The following RNF213 variants were observed in gnomAD, a reference collection of about 807,000 sequenced individuals.
The protein encoded by RNF213 is E3 ubiquitin-protein ligase RNF213.
Under a neutral mutation model 514.4 loss-of-function variants are expected in RNF213, and 341 were observed. That is an observed-to-expected ratio of 0.66 (90% CI 0.61 to 0.73). The LOEUF is 0.73. RNF213 is among the 30% of genes least tolerant of loss of function. The pLI, the probability that RNF213 is intolerant of heterozygous loss-of-function variation, is 0.00. For synonymous variants in RNF213, 2,655 were observed against 2,658.2 expected, an observed-to-expected ratio of 1.00 and a Z score of 0.04; for missense variants, 5,767 against 6,615.6, an observed-to-expected ratio of 0.87 and a Z score of 4.45.
chr17:80,355,543 A>G (rs79147399), intron 36 of RNF213, among the ~76,000 whole-genome samples: 1 of 49,004 alleles, frequency 2.0e-5, no homozygotes, highest in Non-Finnish European at 4.7e-5. Context: ...AGCGGGGTGG[A>G]CGGGAATGGG....
chr17:80,381,939 C>A, intron 57 of RNF213: 1 of 585,530 alleles, frequency 1.7e-6, no homozygotes, highest in Non-Finnish European at 3.1e-6. Context: ...TGCCCAGAGG[C>A]TGGAAGGAGC....
Position 80,340,106 on chromosome 17 carries a change from C to A in RNF213, c.5739C>A (p.His1913Gln). 2 of 1,611,956 alleles carry A rather than the reference C, an allele frequency of 1.2e-6. No homozygotes were observed. The highest frequency in any genetic ancestry group is 1.1e-5 in the South Asian group (1 of 90,790). ...EVARQAEELFHNLCTQQHRED... is the reference protein window; with the variant it reads ...EVARQAEELFQNLCTQQHRED... ...CACGCCAAGCGGAGGAGCTTTTCCA[C>A]AATCTGTGCACGCAGCAGCACCGAG... Residue 1913 changes from histidine (H) to glutamine (Q), a missense_variant, in exon 26 of 68, where the codon CAC becomes CAA. Transcript: ENST00000582970.
chr17:80,261,400 C>A (rs942102985), intron 1 of RNF213, among the ~76,000 whole-genome samples: 1 of 152,236 alleles, frequency 6.6e-6, no homozygotes, highest in African/African-American at 2.4e-5. Flanking sequence ...CAGCGTCCTT[C>A]CGACTTGGCG....
chr17:80,287,988 C>G lies in RNF213; in HGVS notation c.435C>G (p.Gly145=). Residue 145 remains glycine, a synonymous_variant, in exon 4 of 68, where the codon GGC becomes GGG. Coordinates refer to ENST00000582970, the MANE Select transcript of RNF213 (RefSeq NM_001256071.3). The part of the protein sequence containing the change: ...HSQAQQSGPT[G]QPSQPPGTAT... ...AAGCCCAGCAGAGTGGCCCCACTGG[C>G]CAGCCGAGCCAGCCCCCAGGCACAG... The G allele has an allele frequency of 6.3e-7, 1 of 1,578,996 alleles. No individual in the cohort carries two copies. The highest frequency in any genetic ancestry group is 8.6e-7 in the Non-Finnish European group (1 of 1,163,242).
Position 80,307,189 on chromosome 17 carries a change from CT to C in RNF213, c.2491del (p.Tyr831ThrfsTer15). On this transcript the variant is annotated frameshift_variant, in exon 13 of 68. Transcript: ENST00000582970. LOFTEE classifies it high-confidence loss of function. ...GAAATGCTGTTGCGACTCCTGGACA[CT>C]TACCGGGACAAGTAAGTGGAAAGCA... Reference protein sequence around the residue: ...ILEMLLRLLDTYRDKIPEEAL... With the variant: ...ILEMLLRLLDXYRDKIPEEAL... The C allele has an allele frequency of 1.9e-6, 3 of 1,613,848 alleles. No individual in the cohort carries two copies. The highest frequency in any genetic ancestry group is 2.5e-6 in the Non-Finnish European group (3 of 1,179,854).
intron 21 of RNF213, chr17:80,333,890 C>T (rs2077908393): frequency 1.8e-6 from 1 of 569,236 alleles, no homozygotes. Context: ...TATCAGGTTC[C>T]CAGGAATCAC....
At chr17:80,311,461 G>A (rs2045570148) in intron 14 of RNF213, among the ~76,000 whole-genome samples, 1 of 152,216 alleles carries the variant, frequency 6.6e-6, no homozygotes, top group South Asian at 2.1e-4. Flanking sequence ...ACCTTCAGCA[G>A]TGCCTGTTTC....
At position 80,345,054 on chromosome 17, in the gene RNF213, T is replaced by C. The variant is rs375652015; in HGVS notation, c.6719T>C (p.Ile2240Thr). The stretch of plus-strand genomic sequence containing the variant: ...TCTCTCTTCTGCAATCCGAGTTTTA[T>C]TGGCGACACACTGAGGGGCTTCAAG... ...EASLFCNPSF[I>T]GDTLRGFKKF... The change falls in exon 29 of 68, where the codon ATT (isoleucine) becomes ACT (threonine). Residue 2240 changes from isoleucine to threonine, a missense_variant. Ile to Thr is a moderately conservative substitution (Grantham distance 89). Coordinates refer to ENST00000582970, the MANE Select transcript of RNF213 (RefSeq NM_001256071.3). The surrounding 1 kb of genome is among the most constrained non-coding windows in gnomAD (Gnocchi z 6.0). 2.1e-4 allele frequency: 347 copies of C among 1,614,170 alleles called. 3 individuals carry two copies. The South Asian group carries it at 3.0e-3, about 14-fold the overall frequency.
At chr17:80,283,395 G>A (rs2044365487) in intron 3 of RNF213, among the ~76,000 whole-genome samples, 2 of 152,308 alleles carry the variant, frequency 1.3e-5, no homozygotes, top group East Asian at 1.9e-4. Context: ...CTGGGATGGC[G>A]GCTTGAGGGC....
chr17:80,312,461 G>T (rs1422222158), intron 14 of RNF213, among the ~76,000 whole-genome samples: 3 of 137,530 alleles, frequency 2.2e-5, no homozygotes, highest in African/African-American at 8.3e-5. Context: ...CTGTGGTCTG[G>T]CATGGAGGCA....
At position 80,352,964 on chromosome 17, in the gene RNF213, A is replaced by T; in HGVS notation, c.10328A>T (p.Asp3443Val). The change falls in exon 33 of 68, where the codon GAT becomes GTT. Residue 3443 changes from aspartate (D) to valine (V), a missense_variant. Around this residue, in one of 13 missense-constraint regions of RNF213, gnomAD observed 919 missense variants for 1,121.0 expected, o/e 0.82. Transcript: ENST00000582970. ...HGGLWQSVHI[D>V]DLRRSTLMVS... ...GGGCTGTGGCAGTCTGTCCACATCG[A>T]TGACCTCCGGAGATCCACCCTCATG... 1.2e-6 allele frequency: 2 copies of T among 1,613,942 alleles called. No individual in the cohort carries two copies. Among genetic ancestry groups the T allele is most frequent in the Non-Finnish European group, 1.7e-6 (2 of 1,180,014 alleles).
chr17:80,367,764 C>CT lies in RNF213; in HGVS notation c.11889dup (p.Asp3964Ter). ...TTTCTTCAGTGTCTTCGAGAGAACTCTGACGTGAAGACGCACGGGCCTTTT... is the reference window on the plus strand; with the variant it reads ...TTTCTTCAGTGTCTTCGAGAGAACTCTTGACGTGAAGACGCACGGGCCTTTT... On this transcript the variant is annotated frameshift_variant, in exon 43 of 68. Coordinates refer to ENST00000582970, the MANE Select transcript of RNF213 (RefSeq NM_001256071.3). LOFTEE classifies it high-confidence loss of function. 1.9e-6 allele frequency: 3 copies of CT among 1,614,160 alleles called. No individual in the cohort carries two copies. Among genetic ancestry groups the CT allele is most frequent in the East Asian group, 2.2e-5 (1 of 44,884 alleles).
At position 80,336,687 on chromosome 17, in the gene RNF213, T is replaced by C. The variant is rs566169065; in HGVS notation, c.4527+309T>C. 8 of 374,302 alleles carry C rather than the reference T, an allele frequency of 2.1e-5. No homozygotes were observed. In the East Asian group the frequency reaches 5.2e-4, roughly 24 times the overall value. The allele number at this position is 374,302 out of a possible 1,614,324, so 23.2% of individuals were successfully genotyped here. On this transcript the variant is annotated intron_variant, in intron 23 of 67. Coordinates refer to ENST00000582970, the MANE Select transcript of RNF213 (RefSeq NM_001256071.3). ...CTGAATGGTTGTAATTGTCATTTTA[T>C]TCTGTTACTTTTTGTTATTTTCTAT... is the stretch of plus-strand genomic sequence containing the variant.
chr17:80,311,833 G>A (rs2045584292), intron 14 of RNF213, among the ~76,000 whole-genome samples: 1 of 152,078 alleles, frequency 6.6e-6, no homozygotes, highest in African/African-American at 2.4e-5. Context: ...TAAAAAAAAA[G>A]ATCACACACT....
At chr17:80,308,265 TC>T (rs548550477) in intron 13 of RNF213, among the ~76,000 whole-genome samples, 6 of 151,782 alleles carry the variant, frequency 4.0e-5, no homozygotes, top group South Asian at 4.2e-4. Flanking sequence ...GACTTGAGGA[TC>T]CCCCCCACAA....
intron 22 of RNF213, among the ~76,000 whole-genome samples, chr17:80,335,757 C>T (rs948652478): frequency 2.6e-5 from 4 of 152,038 alleles, no homozygotes; most frequent in East Asian, 3.9e-4. Context: ...GTGTGGATCA[C>T]CTGAGGTCAG....
At chr17:80,387,042 C>G (rs955552483) in intron 63 of RNF213, 151 bp downstream of exon 63, 2 of 773,802 alleles carry the variant, frequency 2.6e-6, no homozygotes, top group Non-Finnish European at 4.3e-6. Context: ...GAGGCCACCA[C>G]GCCACCTGTA....
rs968938430 is a variant in RNF213, at chr17:80,328,270, A to G, written c.3368-58A>G. The G allele has an allele frequency of 1.8e-5, 27 of 1,498,022 alleles. No individual in the cohort carries two copies. In the Admixed American group the frequency reaches 3.8e-4, roughly 21 times the overall value. 92.8% of individuals were successfully genotyped at this position (1,498,022 alleles called of 1,614,324 possible). A position where few individuals can be genotyped will look rare whatever the true frequency, so the allele number is the denominator to read the frequency against. On this transcript the variant is annotated intron_variant, in intron 19 of 67. Transcript: ENST00000582970. Reference sequence around the variant, plus strand: ...GGTGCGGCGCTTTCAAAGCATTGCCATGGAAAATGGCATTTGTTGCTGTAT... The same window carrying G: ...GGTGCGGCGCTTTCAAAGCATTGCCGTGGAAAATGGCATTTGTTGCTGTAT...
intron 31 of RNF213, among the ~76,000 whole-genome samples, chr17:80,350,756 A>AC (rs1363976431): frequency 6.6e-6 from 1 of 152,240 alleles, no homozygotes; most frequent in African/African-American, 2.4e-5. Flanking sequence ...CTGCGATCCC[A>AC]CCACTGCAGT....
Sources: gnomAD v4.1 joint callset for allele counts (sites outside exome capture counted in the v4.1 genomes callset) on GRCh38, gnomAD v4.1.1 for gene constraint, gnomAD v4.1.1 regional missense constraint, Gnocchi (gnomAD v3.1) non-coding constraint, MANE v1.5 for transcripts, NCBI Gene and HGNC (gene_info 2026-07-23, HGNC 2026-07-21) for gene names.